Variants in HTT observed in about 807,000 individuals in gnomAD.
HTT encodes the protein huntingtin, also known as huntington disease protein.
A neutral mutation model predicts 362.3 loss-of-function variants in HTT; 104 were observed. The ratio of observed to expected loss-of-function variants is 0.29; its 90% CI spans 0.24 to 0.34. The LOEUF (loss-of-function observed/expected upper bound fraction) is 0.34. HTT is among the 10% of genes least tolerant of loss of function. The probability of loss-of-function intolerance (pLI) is 1.00; values close to 1 mark genes in which losing one functional copy is unlikely to be tolerated. For synonymous variants in HTT, 1,577 were observed against 1,548.7 expected, an observed-to-expected ratio of 1.02 and a Z score of -0.43; for missense variants, 3,301 against 3,928.6, an observed-to-expected ratio of 0.84 and a Z score of 4.27.
chr4:3,150,955 C>T (rs914854951), intron 26 of HTT, among the ~76,000 whole-genome samples: 3 of 151,950 alleles, frequency 2.0e-5, no homozygotes, highest in South Asian at 2.1e-4. Flanking sequence ...AGGAGAACGG[C>T]GTGAACCTGG....
chr4:3,239,622 T>C (rs1721713033), intron 66 of HTT, among the ~76,000 whole-genome samples: 1 of 152,026 alleles, frequency 6.6e-6, no homozygotes, highest in Non-Finnish European at 1.5e-5. Flanking sequence ...TGCTGCCGAG[T>C]GGGTGCCCTG....
chr4:3,173,794 G>A (rs377234331), intron 31 of HTT, among the ~76,000 whole-genome samples: 5 of 151,320 alleles, frequency 3.3e-5, no homozygotes, highest in Admixed American at 6.6e-5. Flanking sequence ...TCAGCCTCCC[G>A]AGTAGCTGGG....
intron 37 of HTT, among the ~76,000 whole-genome samples, chr4:3,182,735 G>A (rs1718584793): frequency 6.6e-6 from 1 of 152,158 alleles, no homozygotes; most frequent in African/African-American, 2.4e-5. Context: ...TAGAGTGCTG[G>A]GGTGAGGGCG....
At chr4:3,172,174 T>C in intron 29 of HTT, 146 bp from the exon 30 acceptor site, 1 of 649,082 alleles carries the variant, frequency 1.5e-6, no homozygotes, top group Non-Finnish European at 2.8e-6. Context: ...CTGTTCAAAA[T>C]AAGAAATTGA....
chr4:3,172,488 T>C, intron 30 of HTT, 91 bp downstream of exon 30: 1 of 879,582 alleles, frequency 1.1e-6, no homozygotes, highest in Non-Finnish European at 1.9e-6. Flanking sequence ...GCTGTTGGCA[T>C]AATCAGCTGG....
chr4:3,093,483 C>T lies in HTT; in HGVS notation c.348-5791C>T, dbSNP rs189746583. ...AAGAGCAGAAATTGACATGTATTTG[C>T]GCTGGGCAGAATAATGCTCCCCTCT... On this transcript the variant is annotated intron_variant, in intron 2 of 66. Transcript: ENST00000355072. 1.3e-3 allele frequency among the ~76,000 whole-genome samples: 203 copies of T among 152,182 alleles called. 1 individual carries two copies. The highest frequency in any genetic ancestry group is 4.6e-3 in the African/African-American group (191 of 41,500).
chr4:3,179,604 CGTGT>C (rs910882012), intron 35 of HTT, among the ~76,000 whole-genome samples: 2 of 143,888 alleles, frequency 1.4e-5, no homozygotes, highest in Middle Eastern at 4.1e-3. Flanking sequence ...TGTGTGTGTA[CGTGT>C]GTGTGTGTCA....
intron 36 of HTT, among the ~76,000 whole-genome samples, chr4:3,181,726 T>C (rs1718535121): frequency 6.6e-6 from 1 of 152,122 alleles, no homozygotes; most frequent in African/African-American, 2.4e-5. Flanking sequence ...CAAAAGTACA[T>C]GTATCATAAA....
chr4:3,083,714 A>G (rs546143780), intron 1 of HTT, among the ~76,000 whole-genome samples: 1 of 152,270 alleles, frequency 6.6e-6, no homozygotes, highest in African/African-American at 2.4e-5. Context: ...CACTCTGGAA[A>G]ACAGTTTGGC....
Position 3,154,394 on chromosome 4 carries a change from C to CA in HTT, c.3602dup (p.Lys1202GlufsTer4). 6.2e-7 allele frequency: 1 copy of CA among 1,613,932 alleles called. No homozygotes were observed. The highest frequency in any genetic ancestry group is 8.5e-7 in the Non-Finnish European group (1 of 1,179,932). ...AACAAGCATCTGTACCGTTGAGTCC[C>CA]AAGAAAGGCAGTGAGGCCAGTGCAG... On this transcript the variant is annotated frameshift_variant, in exon 27 of 67. Transcript: ENST00000355072. LOFTEE classifies it high-confidence loss of function.
Position 3,186,585 on chromosome 4 carries a change from C to G in HTT, c.4867-12C>G. On this transcript the variant is annotated splice_polypyrimidine_tract_variant and intron_variant, in intron 37 of 66. Coordinates refer to ENST00000355072, the MANE Select transcript of HTT (RefSeq NM_001388492.1). ...GCTTACGTAGAAATGTTTGTGGTGT[C>G]TAATTCCACAGATGCACATTGACTC... The G allele has an allele frequency of 1.3e-6, 2 of 1,599,092 alleles. No homozygotes were observed. Among genetic ancestry groups the G allele is most frequent in the Non-Finnish European group, 1.7e-6 (2 of 1,171,462 alleles).
chr4:3,120,848 C>A (rs556915801), intron 8 of HTT, among the ~76,000 whole-genome samples: 1 of 152,286 alleles, frequency 6.6e-6, no homozygotes, highest in East Asian at 1.9e-4. Context: ...TCTGGTAGCT[C>A]TTTCTCAGTG....
chr4:3,206,777 A>G lies in HTT; in HGVS notation c.5899-30A>G. On this transcript the variant is annotated intron_variant, in intron 43 of 66. Transcript: ENST00000355072. The surrounding 1 kb of genome is among the most constrained non-coding windows in gnomAD (Gnocchi z 4.6). ...TTAATTTCTGATTTGCAAAATAGTCATCTTTTGTTCTTTTCCTTCTTGCTG... is the reference window on the plus strand; with the variant it reads ...TTAATTTCTGATTTGCAAAATAGTCGTCTTTTGTTCTTTTCCTTCTTGCTG... 1 of 1,591,392 alleles carries G rather than the reference A, an allele frequency of 6.3e-7. No homozygotes were observed. Among genetic ancestry groups the G allele is most frequent in the Non-Finnish European group, 8.6e-7 (1 of 1,166,600 alleles).
intron 51 of HTT, among the ~76,000 whole-genome samples, chr4:3,216,949 C>T (rs377562491): frequency 8.0e-5 from 12 of 150,376 alleles, no homozygotes; most frequent in East Asian, 3.9e-4. Flanking sequence ...GGCGTGAACC[C>T]GGGAGGCGGA....
At chr4:3,130,955 G>T (rs1353907578) in intron 14 of HTT, among the ~76,000 whole-genome samples, 1 of 152,012 alleles carries the variant, frequency 6.6e-6, no homozygotes, top group Non-Finnish European at 1.5e-5. Context: ...GCTTCTGCTT[G>T]TCCTGTAGAA....
chr4:3,224,081 A>G lies in HTT; in HGVS notation c.7715A>G (p.His2572Arg), dbSNP rs1720799028. The change falls in exon 56 of 67, where the codon CAT becomes CGT. Residue 2572 changes from histidine (H) to arginine (R), a missense_variant. This residue lies in a region of HTT where 753 missense variants were observed against 1,021.3 expected (regional missense o/e 0.74). Transcript: ENST00000355072. Reference protein sequence around the residue: ...VSKRENIATHHLYQAWDPVPS... With the variant: ...VSKRENIATHRLYQAWDPVPS... ...AAGAGAGAGAATATTGCCACCCATC[A>G]TTTATATCAGGCATGGGATCCTGTC... is the stretch of plus-strand genomic sequence containing the variant. The G allele has an allele frequency of 1.2e-6, 2 of 1,614,000 alleles. No individual in the cohort carries two copies. The highest frequency in any genetic ancestry group is 1.7e-6 in the Non-Finnish European group (2 of 1,179,968).
chr4:3,183,168 C>T (rs991553892), intron 37 of HTT, among the ~76,000 whole-genome samples: 36 of 152,360 alleles, frequency 2.4e-4, no homozygotes, highest in African/African-American at 7.9e-4. Flanking sequence ...AGGTGTGAGC[C>T]ACCTCGCCTG....
chr4:3,206,552 A>G lies in HTT; in HGVS notation c.5775A>G (p.Gln1925=), dbSNP rs2110269438. 6.2e-7 allele frequency: 1 copy of G among 1,614,112 alleles called. No homozygotes were observed. ...HLTWLIVNHI[Q]DLISLSHEPP... ...CGTGGCTCATTGTAAATCACATTCAAGATCTGATCAGCCTTTCCCACGAGC... is the reference window on the plus strand; with the variant it reads ...CGTGGCTCATTGTAAATCACATTCAGGATCTGATCAGCCTTTCCCACGAGC... The change falls in exon 43 of 67, where the codon CAA becomes CAG. Residue 1925 remains glutamine (Q), a synonymous_variant. Coordinates refer to ENST00000355072, the MANE Select transcript of HTT (RefSeq NM_001388492.1). The surrounding 1 kb of genome is among the most constrained non-coding windows in gnomAD (Gnocchi z 4.6).
chr4:3,138,471 C>G (rs1262862398), intron 21 of HTT, among the ~76,000 whole-genome samples: 1 of 152,128 alleles, frequency 6.6e-6, no homozygotes, highest in Non-Finnish European at 1.5e-5. Context: ...GCTCCCACTT[C>G]TGAGAACATA....
Sources: gnomAD v4.1 joint callset for allele counts (sites outside exome capture counted in the v4.1 genomes callset) on GRCh38, gnomAD v4.1.1 for gene constraint, gnomAD v4.1.1 regional missense constraint, Gnocchi (gnomAD v3.1) non-coding constraint, MANE v1.5 for transcripts, NCBI Gene and HGNC (gene_info 2026-07-23, HGNC 2026-07-21) for gene names.